Variants in GADL1 observed in about 807,000 individuals in gnomAD.
The protein encoded by GADL1 is GAD like acidic amino acid decarboxylase 1, also known as acidic amino acid decarboxylase GADL1.
GADL1 carries 71 observed loss-of-function variants against 69.5 expected under a neutral mutation model. The ratio of observed to expected loss-of-function variants is 1.02; its 90% CI spans 0.84 to 1.25. GADL1 has a LOEUF of 1.25. GADL1 is among the 50% of genes most tolerant of loss of function. The probability of loss-of-function intolerance (pLI) is 0.00; values close to 1 mark genes in which losing one functional copy is unlikely to be tolerated. For synonymous variants in GADL1, 254 were observed against 214.4 expected (o/e 1.18, Z -1.62); for missense variants, 737 against 631.8 (o/e 1.17, Z -1.79).
chr3:30,825,096 C>T (rs1033232932), intron 11 of GADL1, among the ~76,000 whole-genome samples: 1 of 151,862 alleles, frequency 6.6e-6, no homozygotes, highest in Admixed American at 6.6e-5. Context: ...GGTATGTTTG[C>T]TGTGCAAGGG....
At chr3:30,778,476 TTC>T (rs1386493906) in intron 13 of GADL1, among the ~76,000 whole-genome samples, 3 of 152,274 alleles carry the variant, frequency 2.0e-5, no homozygotes, top group East Asian at 1.9e-4. Context: ...ACCTAGCAGG[TTC>T]TCTTTCATCT....
intron 14 of GADL1, among the ~76,000 whole-genome samples, chr3:30,743,353 A>T (rs1478913352): frequency 2.6e-5 from 4 of 152,226 alleles, no homozygotes; most frequent in African/African-American, 9.6e-5. Flanking sequence ...AGCAAATAGG[A>T]AGCAGAGATG....
intron 11 of GADL1, among the ~76,000 whole-genome samples, chr3:30,816,372 A>G (rs1010920633): frequency 2.6e-4 from 39 of 152,012 alleles, no homozygotes; most frequent in African/African-American, 8.9e-4. Context: ...AAATAAATGC[A>G]TTCTTAATGT....
intron 11 of GADL1, among the ~76,000 whole-genome samples, chr3:30,832,010 G>A (rs554198049): frequency 2.0e-5 from 3 of 151,920 alleles, no homozygotes; most frequent in South Asian, 2.1e-4. Flanking sequence ...GCCTAGACTC[G>A]CACAGTGTCA....
chr3:30,834,064 C>T, intron 10 of GADL1, 130 bp from the exon 11 acceptor site: 1 of 906,142 alleles, frequency 1.1e-6, no homozygotes, highest in Non-Finnish European at 1.8e-6. Flanking sequence ...AACTCCTTAT[C>T]TGAGTGGTTT....
chr3:30,866,613 G>A (rs1169948932), intron 1 of GADL1, among the ~76,000 whole-genome samples: 2 of 152,040 alleles, frequency 1.3e-5, no homozygotes, highest in Admixed American at 6.6e-5. Context: ...ACCTCTGGAA[G>A]GGCAGGAAGA....
rs60724151 is a variant in GADL1, at chr3:30,891,860, T to TA, written c.37+2717dup. ...GAAAAAGAGAAAATCTAGAGTGGGGTAAAAAAAAAATACAGAAATTTTGGT... is the reference window on the plus strand; with the variant it reads ...GAAAAAGAGAAAATCTAGAGTGGGGTAAAAAAAAAAATACAGAAATTTTGGT... On this transcript the variant is annotated intron_variant, in intron 1 of 14. Coordinates refer to ENST00000282538, the MANE Select transcript of GADL1 (RefSeq NM_207359.3). Among the ~76,000 whole-genome samples the TA allele has an allele frequency of 7.7e-4, 115 of 148,688 alleles. 1 individual carries two copies. Among genetic ancestry groups the TA allele is most frequent in the East Asian group, 3.7e-3 (19 of 5,082 alleles).
At chr3:30,761,476 A>G (rs1042390813) in intron 14 of GADL1, among the ~76,000 whole-genome samples, 79 of 122,794 alleles carry the variant, frequency 6.4e-4, no homozygotes, top group African/African-American at 2.3e-3. Flanking sequence ...TGGGGGATAG[A>G]TATGTTTATT....
intron 14 of GADL1, among the ~76,000 whole-genome samples, chr3:30,766,607 C>A (rs186960160): frequency 2.9e-4 from 44 of 152,080 alleles, no homozygotes; most frequent in African/African-American, 1.0e-3. Flanking sequence ...TGTACTGTAC[C>A]AAAAGGCACA....
At chr3:30,865,759 G>C (rs1156582301) in intron 1 of GADL1, among the ~76,000 whole-genome samples, 3 of 151,924 alleles carry the variant, frequency 2.0e-5, no homozygotes, top group African/African-American at 7.2e-5. Flanking sequence ...CTCGATTCTT[G>C]TTACCGCAGC....
intron 14 of GADL1, among the ~76,000 whole-genome samples, chr3:30,769,255 G>A (rs1394081097): frequency 1.3e-5 from 2 of 152,234 alleles, no homozygotes; most frequent in Non-Finnish European, 2.9e-5. Context: ...TTAGGTCATC[G>A]GTCCATCCAG....
intron 14 of GADL1, among the ~76,000 whole-genome samples, chr3:30,751,671 C>T (rs560126023): frequency 6.6e-6 from 1 of 152,008 alleles, no homozygotes; most frequent in African/African-American, 2.4e-5. Flanking sequence ...ATAAGCCCAC[C>T]CCTTCATCTA....
chr3:30,826,068 A>G (rs1697676673), intron 11 of GADL1, among the ~76,000 whole-genome samples: 1 of 151,780 alleles, frequency 6.6e-6, no homozygotes, highest in Non-Finnish European at 1.5e-5. Context: ...TATGGCATAA[A>G]TTTTTCTTTT....
intron 14 of GADL1, among the ~76,000 whole-genome samples, chr3:30,777,507 TACTC>T (rs1352007799): frequency 2.0e-5 from 3 of 152,164 alleles, no homozygotes; most frequent in Non-Finnish European, 2.9e-5. Flanking sequence ...CAAGTAGTGT[TACTC>T]ACGAGACTCC....
intron 6 of GADL1, among the ~76,000 whole-genome samples, chr3:30,847,998 A>C (rs1335486103): frequency 6.6e-6 from 1 of 152,194 alleles, no homozygotes; most frequent in Non-Finnish European, 1.5e-5. Flanking sequence ...AGGCAAAAGT[A>C]AAAAACCTGA....
intron 1 of GADL1, among the ~76,000 whole-genome samples, chr3:30,881,992 C>A (rs1698648945): frequency 6.6e-6 from 1 of 151,734 alleles, no homozygotes; most frequent in South Asian, 2.1e-4. Flanking sequence ...CTTCTTAGCT[C>A]CAGAGCAGTA....
At chr3:30,794,380 A>G (rs1393753) in intron 12 of GADL1, among the ~76,000 whole-genome samples, 125,536 of 152,054 alleles carry the variant, frequency 0.83, 52,101 homozygotes, top group African/African-American at 0.9. Flanking sequence ...CCTGAATGCC[A>G]TAACAAAGGC....
At chr3:30,862,901 T>C (rs1698342115) in intron 1 of GADL1, among the ~76,000 whole-genome samples, 1 of 152,010 alleles carries the variant, frequency 6.6e-6, no homozygotes, top group Non-Finnish European at 1.5e-5. Context: ...TTGCAGCATC[T>C]TGTTTAGCAT....
chr3:30,773,108 T>C (rs1034567363), intron 14 of GADL1, among the ~76,000 whole-genome samples: 1 of 152,180 alleles, frequency 6.6e-6, no homozygotes, highest in African/African-American at 2.4e-5. Context: ...AATTATTGTA[T>C]AATCATGATC....
Sources: allele counts gnomAD v4.1 joint callset (sites outside exome capture counted in the v4.1 genomes callset), GRCh38; gene constraint gnomAD v4.1.1; transcripts MANE v1.5; gene names NCBI Gene and HGNC (gene_info 2026-07-23, HGNC 2026-07-21).